The following ACTR1B variants were observed in gnomAD, a reference collection of about 807,000 sequenced individuals.
ACTR1B encodes the protein actin related protein 1B.
In ACTR1B, 34 loss-of-function variants were observed where a neutral mutation model predicts 49.4. The observed-to-expected ratio is 0.69, with a 90% CI of 0.52 to 0.92. The LOEUF is 0.92. Ranked by LOEUF, ACTR1B falls within the 40% of genes least tolerant of loss-of-function variation. The pLI, the probability that ACTR1B is intolerant of heterozygous loss-of-function variation, is 0.00. For synonymous variants in ACTR1B, 207 were observed against 207.8 expected, an observed-to-expected ratio of 1.00 and a Z score of 0.03; for missense variants, 471 against 522.4, an observed-to-expected ratio of 0.90 and a Z score of 0.96.
At position 97,663,301 on chromosome 2, in the gene ACTR1B, A is replaced by T. The variant is rs74610701; in HGVS notation, c.48+542T>A. Among the ~76,000 whole-genome samples, 486 of 152,332 alleles carry T rather than the reference A, an allele frequency of 3.2e-3. 4 individuals carry two copies. Among genetic ancestry groups the T allele is most frequent in the African/African-American group, 0.011 (439 of 41,574 alleles). On this transcript the variant is annotated intron_variant, in intron 1 of 10. Coordinates refer to ENST00000289228, the MANE Select transcript of ACTR1B (RefSeq NM_005735.4). ...GCTGGCTGTGGAATGTTTGCTCAGC[A>T]CAGGAAGCATTTAAGGAGAAAGTCA...
chr2:97,661,886 T>C lies in ACTR1B; in HGVS notation c.109A>G (p.Asn37Asp), dbSNP rs540442019. 8.8e-6 allele frequency: 14 copies of C among 1,592,106 alleles called. 1 individual carries two copies. The Admixed American group carries it at 1.2e-4, about 14-fold the overall frequency. The change falls in exon 2 of 11, where the codon AAC (asparagine) becomes GAC (aspartate). Residue 37 changes from asparagine to aspartate, a missense_variant. Asn to Asp is a conservative substitution (Grantham distance 23). Transcript: ENST00000289228. ...TGCTGCCTGAGCCACACTTACTAGTTTGGGAAACAGTATTTGGGAATCTGG... is the reference window on the plus strand; with the variant it reads ...TGCTGCCTGAGCCACACTTACTAGTCTGGGAAACAGTATTTGGGAATCTGG... ...GDQIPKYCFP[N>D]YVGRPKHMRV... is the part of the protein sequence containing the mutation.
At chr2:97,663,613 G>A (rs559740243) in intron 1 of ACTR1B, among the ~76,000 whole-genome samples, 16 of 152,082 alleles carry the variant, frequency 1.1e-4, no homozygotes, top group Admixed American at 3.9e-4. Flanking sequence ...CCCGACTCGG[G>A]GAGGGGTCGG....
intron 1 of ACTR1B, among the ~76,000 whole-genome samples, chr2:97,663,478 C>T (rs1456654497): frequency 6.6e-6 from 1 of 152,172 alleles, no homozygotes. Context: ...GAGCCAGGGC[C>T]GAAGGACGCG....
Position 97,659,300 on chromosome 2 carries a change from G to A in ACTR1B, c.315+52C>T. On this transcript the variant is annotated intron_variant, in intron 4 of 10. Transcript: ENST00000289228. This position sits in a 1 kb window ranked among gnomAD's most constrained non-coding sequence, Gnocchi z 4.0. ...GCCCGGCGAGGAGGGACGCAGAGGA[G>A]AGGGGCATGGCCAGGAGAATGCAGA... 1 of 1,611,360 alleles carries A rather than the reference G, an allele frequency of 6.2e-7. No individual in the cohort carries two copies. The highest frequency in any genetic ancestry group is 8.5e-7 in the Non-Finnish European group (1 of 1,179,088).
rs1674847907 is a variant in ACTR1B at position 97,656,561 on chromosome 2, G to A, written c.*297C>T. The A allele has an allele frequency of 2.8e-6, 1 of 355,862 alleles. No individual in the cohort carries two copies. The highest frequency in any genetic ancestry group is 5.2e-6 in the Non-Finnish European group (1 of 191,142). 22.0% of individuals were successfully genotyped at this position (355,862 alleles called of 1,614,324 possible). On this transcript the variant is annotated 3_prime_UTR_variant, in exon 11 of 11. Coordinates refer to ENST00000289228, the MANE Select transcript of ACTR1B (RefSeq NM_005735.4). ...CTCAGGGAGGCAGCCCTGAGAGTCG[G>A]AGCAGGGAACCACAGGCCTAGCTGG...
At position 97,659,472 on chromosome 2, in the gene ACTR1B, G is replaced by A. The variant is rs1390681521; in HGVS notation, c.195C>T (p.His65=). Reference sequence around the variant, plus strand: ...GGTAGCGGATGGTCAGCAGCCCCCGGTGCTCCTGGTGGGGTGGGAAGGGAG... The same window carrying A: ...GGTAGCGGATGGTCAGCAGCCCCCGATGCTCCTGGTGGGGTGGGAAGGGAG... ...DLFIGPKAEE[H]RGLLTIRYPM... is the part of the protein sequence containing the mutation. Residue 65 remains histidine (H), a synonymous_variant, in exon 4 of 11, where the codon CAC becomes CAT. Coordinates refer to ENST00000289228, the MANE Select transcript of ACTR1B (RefSeq NM_005735.4). This position sits in a 1 kb window ranked among gnomAD's most constrained non-coding sequence, Gnocchi z 4.0. 6.8e-6 allele frequency: 11 copies of A among 1,613,508 alleles called. No individual in the cohort carries two copies. The highest frequency in any genetic ancestry group is 8.5e-6 in the Non-Finnish European group (10 of 1,179,958).
intron 1 of ACTR1B, among the ~76,000 whole-genome samples, chr2:97,662,474 C>T (rs930043294): frequency 2.0e-5 from 3 of 151,236 alleles, no homozygotes; most frequent in African/African-American, 7.3e-5. Flanking sequence ...GGACGACCTA[C>T]AGGGCCTGCT....
rs1056393245 is a variant in ACTR1B, at chr2:97,658,673, A to T, written c.441-30T>A. 8 of 1,611,432 alleles carry T rather than the reference A, an allele frequency of 5.0e-6. No individual in the cohort carries two copies. The highest frequency in any genetic ancestry group is 5.9e-6 in the Non-Finnish European group (7 of 1,178,794). On this transcript the variant is annotated intron_variant, in intron 5 of 10. Coordinates refer to ENST00000289228, the MANE Select transcript of ACTR1B (RefSeq NM_005735.4). This position sits in a 1 kb window ranked among gnomAD's most constrained non-coding sequence, Gnocchi z 5.9. Reference sequence around the variant, plus strand: ...CACCAGGTCAGCATCCCCTCACCTCAGCCACTGAGGCACGGGGACCTCCTC... The same window carrying T: ...CACCAGGTCAGCATCCCCTCACCTCTGCCACTGAGGCACGGGGACCTCCTC...
At chr2:97,661,780 G>C in intron 2 of ACTR1B, 102 bp downstream of exon 2, 4 of 1,225,500 alleles carry the variant, frequency 3.3e-6, no homozygotes, top group Non-Finnish European at 4.7e-6. Context: ...TTTCCATACA[G>C]GTCAGGGCAC....
intron 2 of ACTR1B, among the ~76,000 whole-genome samples, chr2:97,661,282 T>C (rs1000849924): frequency 6.6e-6 from 1 of 152,244 alleles, no homozygotes; most frequent in African/African-American, 2.4e-5. Flanking sequence ...TAGGATCCCC[T>C]GCTGCCCGCT....
intron 3 of ACTR1B, chr2:97,660,017 C>T (rs1397840289): frequency 1.2e-4 from 22 of 183,668 alleles, no homozygotes; most frequent in Admixed American, 1.1e-3. Context: ...CTCACCACCT[C>T]GGCTCCTACG....
chr2:97,663,432 A>T (rs369548616), intron 1 of ACTR1B, among the ~76,000 whole-genome samples: 12 of 152,340 alleles, frequency 7.9e-5, no homozygotes, highest in Admixed American at 4.6e-4. Context: ...GCAGTGTGCA[A>T]ATGACAAATG....
chr2:97,662,027 C>A lies in ACTR1B; in HGVS notation c.49-81G>T, dbSNP rs1263493338. ...CCCCGCAATGGAGAGAGCTGGCTGC[C>A]CCGTCAAGGCAGGCCAAGGAGGAAG... On this transcript the variant is annotated intron_variant, in intron 1 of 10. Transcript: ENST00000289228. The A allele has an allele frequency of 2.8e-6, 4 of 1,427,574 alleles. No homozygotes were observed. The Admixed American group carries it at 7.9e-5, about 28-fold the overall frequency. The allele number at this position is 1,427,574 out of a possible 1,614,324, so 88.4% of individuals were successfully genotyped here.
At position 97,663,901 on chromosome 2, in the gene ACTR1B, C is replaced by T. The variant is rs776377004; in HGVS notation, c.-11G>A. On this transcript the variant is annotated 5_prime_UTR_variant, in exon 1 of 11. Transcript: ENST00000289228. ...GTCGTAGGACTCCATGGCCGGGCCG[C>T]GCCGGCCCTGCCCAGCAGGCGGGCT... 1.2e-5 allele frequency: 17 copies of T among 1,365,614 alleles called. No homozygotes were observed. The East Asian group carries it at 3.7e-4, about 30-fold the overall frequency. 84.6% of individuals were successfully genotyped at this position (1,365,614 alleles called of 1,614,324 possible).
At chr2:97,657,563 TA>T (rs1452438316) in intron 8 of ACTR1B, 54 bp from the exon 9 acceptor site, 17 of 1,577,728 alleles carry the variant, frequency 1.1e-5, no homozygotes, top group Non-Finnish European at 1.4e-5. Flanking sequence ...TCCTCGCTGC[TA>T]GCTCCCGCAC....
Position 97,658,293 on chromosome 2 carries a change from G to A in ACTR1B, c.681C>T (p.Asn227=), listed in dbSNP as rs1674911995. ...TCTCCAGAGCCTCATCCTTCTGTGG[G>A]TTGATGGACAGGTAGCACGCTCGCT... ...IKERACYLSI[N]PQKDEALETE... is the part of the protein sequence containing the mutation. The change falls in exon 7 of 11, where the codon AAC becomes AAT. Residue 227 remains asparagine, a synonymous_variant. Coordinates refer to ENST00000289228, the MANE Select transcript of ACTR1B (RefSeq NM_005735.4). This position sits in a 1 kb window ranked among gnomAD's most constrained non-coding sequence, Gnocchi z 5.9. 7.4e-6 allele frequency: 12 copies of A among 1,614,218 alleles called. No homozygotes were observed. The East Asian group carries it at 2.7e-4, about 36-fold the overall frequency.
rs1173767966 is a variant in ACTR1B at position 97,657,160 on chromosome 2, T to C, written c.1020A>G (p.Thr340=). 10 of 1,613,502 alleles carry C rather than the reference T, an allele frequency of 6.2e-6. No homozygotes were observed. Among genetic ancestry groups the C allele is most frequent in the South Asian group, 1.1e-5 (1 of 91,034 alleles). The change falls in exon 10 of 11, where the codon ACA becomes ACG. Residue 340 remains threonine (T), a synonymous_variant. Coordinates refer to ENST00000289228, the MANE Select transcript of ACTR1B (RefSeq NM_005735.4). ...ISAPQERLYS[T]WIGGSILASL... is the part of the protein sequence containing the mutation. ...CTTGAGCCCCGCCTCACCCAATCCA[T>C]GTGGAGTACAGCCGTTCCTGCGGGG...
chr2:97,657,737 C>A (rs1394231605), intron 8 of ACTR1B, among the ~76,000 whole-genome samples: 1 of 152,254 alleles, frequency 6.6e-6, no homozygotes, highest in Non-Finnish European at 1.5e-5. Flanking sequence ...GCTCGACTCT[C>A]ACAATACACT....
chr2:97,663,753 G>T, intron 1 of ACTR1B, 90 bp downstream of exon 1: 1 of 813,500 alleles, frequency 1.2e-6, no homozygotes, highest in Non-Finnish European at 1.6e-6. Context: ...AGCGGAGGAC[G>T]CGCCGAGGCG....
Sources: allele counts gnomAD v4.1 joint callset (sites outside exome capture counted in the v4.1 genomes callset), GRCh38; gene constraint gnomAD v4.1.1; non-coding constraint Gnocchi (gnomAD v3.1); transcripts MANE v1.5; gene names NCBI Gene and HGNC (gene_info 2026-07-23, HGNC 2026-07-21).